Variants in PACRG observed in about 807,000 individuals in gnomAD.
PACRG encodes parkin coregulated.
A neutral mutation model predicts 29.7 loss-of-function variants in PACRG; 29 were observed. That is an observed-to-expected ratio of 0.98 (90% CI 0.73 to 1.33). PACRG has a LOEUF of 1.33. Ranked by LOEUF, PACRG falls within the 40% of genes most tolerant of loss-of-function variation. The pLI is 0.00. For missense variants in PACRG, 279 were observed against 316.2 expected, an observed-to-expected ratio of 0.88 and a Z score of 0.89; for synonymous variants, 116 against 118.7, an observed-to-expected ratio of 0.98 and a Z score of 0.15.
At chr6:162,926,874 C>A (rs1254876890) in intron 2 of PACRG, among the ~76,000 whole-genome samples, 1 of 152,018 alleles carries the variant, frequency 6.6e-6, no homozygotes, top group Non-Finnish European at 1.5e-5. Flanking sequence ...AGGCAACCTG[C>A]AGAATGGGAG....
At chr6:162,819,178 T>C (rs1261078518) in intron 2 of PACRG, among the ~76,000 whole-genome samples, 1 of 152,154 alleles carries the variant, frequency 6.6e-6, no homozygotes, top group East Asian at 1.9e-4. Flanking sequence ...TGAGCAGGTA[T>C]ATGTGAGAAT....
chr6:163,013,599 A>G (rs1805816983), intron 2 of PACRG, among the ~76,000 whole-genome samples: 1 of 152,116 alleles, frequency 6.6e-6, no homozygotes, highest in African/African-American at 2.4e-5. Flanking sequence ...AGGAATTCAG[A>G]TTTTGAGGAG....
chr6:162,958,896 G>T (rs1288244840), intron 2 of PACRG, among the ~76,000 whole-genome samples: 158 of 32,140 alleles, frequency 4.9e-3, no homozygotes, highest in South Asian at 8.6e-3. Context: ...GAGAGAGAGA[G>T]AGAGAGAGAG....
intron 2 of PACRG, among the ~76,000 whole-genome samples, chr6:162,987,932 T>C (rs1032324576): frequency 2.6e-5 from 4 of 152,316 alleles, no homozygotes; most frequent in Admixed American, 2.6e-4. Context: ...TGTTTTCTCC[T>C]TCCTTGGAGC....
At chr6:162,791,957 G>A (rs936429455) in intron 1 of PACRG, among the ~76,000 whole-genome samples, 3 of 141,442 alleles carry the variant, frequency 2.1e-5, no homozygotes, top group African/African-American at 5.3e-5. Context: ...GCAGCCTTCC[G>A]AAGTCCCCTT....
intron 4 of PACRG, among the ~76,000 whole-genome samples, chr6:163,254,510 C>T (rs1783032971): frequency 6.6e-6 from 1 of 152,216 alleles, no homozygotes. Context: ...GACCTGAGCC[C>T]TCCCGTCAGC....
intron 4 of PACRG, among the ~76,000 whole-genome samples, chr6:163,159,566 T>C (rs1389744722): frequency 1.3e-5 from 2 of 152,106 alleles, no homozygotes; most frequent in Non-Finnish European, 1.5e-5. Flanking sequence ...CTAATTTTTT[T>C]CTACCTTCCT....
At chr6:162,838,202 G>C (rs1360594630) in intron 2 of PACRG, among the ~76,000 whole-genome samples, 2 of 152,100 alleles carry the variant, frequency 1.3e-5, no homozygotes, top group Non-Finnish European at 2.9e-5. Context: ...ATAATCCTCT[G>C]AATCTCCGTG....
chr6:163,303,681 C>T (rs374678314), intron 4 of PACRG, among the ~76,000 whole-genome samples: 7 of 151,982 alleles, frequency 4.6e-5, no homozygotes, highest in East Asian at 3.9e-4. Flanking sequence ...TATAAAAATC[C>T]GATATGTTCT....
At chr6:162,774,014 A>G (rs1783446620) in intron 1 of PACRG, among the ~76,000 whole-genome samples, 1 of 152,214 alleles carries the variant, frequency 6.6e-6, no homozygotes, top group Non-Finnish European at 1.5e-5. Context: ...TTAAGTGCTC[A>G]ATTTTATTCA....
At position 163,213,024 on chromosome 6, in the gene PACRG, C is replaced by T. The variant is rs144811485; in HGVS notation, c.614-101803C>T. Reference sequence around the variant, plus strand: ...TGATCTCCTGACCTCGTGATCCACCCGCCTTGGCCTCCCAAAGTGCTGGGA... The same window carrying T: ...TGATCTCCTGACCTCGTGATCCACCTGCCTTGGCCTCCCAAAGTGCTGGGA... On this transcript the variant is annotated intron_variant, in intron 4 of 4. Coordinates refer to ENST00000366888, the MANE Select transcript of PACRG (RefSeq NM_001080379.2). 5.3e-5 allele frequency among the ~76,000 whole-genome samples: 8 copies of T among 152,216 alleles called. No individual in the cohort carries two copies. The South Asian group carries it at 6.2e-4, about 12-fold the overall frequency.
At chr6:163,165,948 A>C in intron 4 of PACRG, 1 of 369,554 alleles carries the variant, frequency 2.7e-6, no homozygotes, top group East Asian at 7.4e-5. Context: ...CCTTCAATAC[A>C]GAATTATTTT....
At chr6:162,864,592 T>C (rs919056099) in intron 2 of PACRG, among the ~76,000 whole-genome samples, 1 of 152,210 alleles carries the variant, frequency 6.6e-6, no homozygotes, top group Non-Finnish European at 1.5e-5. Flanking sequence ...AACCTCAAAA[T>C]GCTTCCTTTT....
At chr6:163,034,124 C>T (rs1194724647) in intron 2 of PACRG, among the ~76,000 whole-genome samples, 3 of 152,118 alleles carry the variant, frequency 2.0e-5, no homozygotes, top group Non-Finnish European at 2.9e-5. Context: ...GAAGGCAAGG[C>T]GCTCAGGGAG....
chr6:163,013,436 G>C (rs2128213238), intron 2 of PACRG, among the ~76,000 whole-genome samples: 1 of 150,794 alleles, frequency 6.6e-6, no homozygotes, highest in East Asian at 1.9e-4. Flanking sequence ...TCAATAGTCA[G>C]TATTACCTGT....
At chr6:162,968,164 C>G (rs1801207836) in intron 2 of PACRG, among the ~76,000 whole-genome samples, 1 of 152,158 alleles carries the variant, frequency 6.6e-6, no homozygotes, top group Non-Finnish European at 1.5e-5. Context: ...CTATACTCCT[C>G]AGAGAGTTTC....
intron 1 of PACRG, among the ~76,000 whole-genome samples, chr6:162,740,711 T>C (rs1303290304): frequency 6.6e-6 from 1 of 151,930 alleles, no homozygotes; most frequent in African/African-American, 2.4e-5. Flanking sequence ...GTGATTCTCC[T>C]GCCTCAGCCT....
Position 163,302,512 on chromosome 6 carries a change from C to T in PACRG, c.614-12315C>T, listed in dbSNP as rs146655417. Among the ~76,000 whole-genome samples the T allele has an allele frequency of 3.9e-3, 589 of 152,262 alleles. 4 individuals carry two copies. Among genetic ancestry groups the T allele is most frequent in the African/African-American group, 0.013 (543 of 41,548 alleles). On this transcript the variant is annotated intron_variant, in intron 4 of 4. Coordinates refer to ENST00000366888, the MANE Select transcript of PACRG (RefSeq NM_001080379.2). The stretch of plus-strand genomic sequence containing the variant: ...GTAAAAGGCGTGATGGATTTAACTC[C>T]GTCACTTTCAGAGCAGCTAACTGAG...
At chr6:163,308,660 C>T (rs1263780554) in intron 4 of PACRG, among the ~76,000 whole-genome samples, 2 of 111,014 alleles carry the variant, frequency 1.8e-5, no homozygotes, top group African/African-American at 4.0e-5. Context: ...AGTGAGGCTC[C>T]GTCTCAAAAA....
Sources: allele counts gnomAD v4.1 joint callset (sites outside exome capture counted in the v4.1 genomes callset), GRCh38; gene constraint gnomAD v4.1.1; transcripts MANE v1.5; gene names NCBI Gene and HGNC (gene_info 2026-07-23, HGNC 2026-07-21).